The following SCRG1 variants were observed in gnomAD, a reference collection of about 807,000 sequenced individuals.
SCRG1 encodes the protein stimulator of chondrogenesis 1.
A neutral mutation model predicts 7.7 loss-of-function variants in SCRG1; 3 were observed. The ratio of observed to expected loss-of-function variants is 0.39; its 90% CI spans 0.18 to 1.01. The LOEUF is 1.01. Among genes scored for constraint, SCRG1 ranks in the 50% least tolerant of loss-of-function variants. SCRG1 has a pLI of 0.36. For synonymous variants in SCRG1, 46 were observed against 41.2 expected (o/e 1.12, Z -0.44); for missense variants, 110 against 117.2 (o/e 0.94, Z 0.28).
the SCRG1 span, among the ~76,000 whole-genome samples, chr4:173,488,727 T>A: frequency 6.6e-6 from 1 of 152,286 alleles, no homozygotes; most frequent in South Asian, 2.1e-4. Context: ...GCAATATGGT[T>A]TCATCTGACA....
chr4:173,486,785 A>G, the SCRG1 span, among the ~76,000 whole-genome samples: 3 of 152,120 alleles, frequency 2.0e-5, no homozygotes, highest in African/African-American at 7.2e-5. Context: ...ATTTCCTGAA[A>G]TATTTTTAGG....
upstream of SCRG1, among the ~76,000 whole-genome samples, chr4:173,401,287 A>T (rs1739755437): frequency 6.6e-6 from 1 of 152,250 alleles, no homozygotes; most frequent in African/African-American, 2.4e-5. Flanking sequence ...CTTACTAAAT[A>T]AAGATGATGC....
the SCRG1 span, among the ~76,000 whole-genome samples, chr4:173,436,252 C>A: frequency 6.6e-6 from 1 of 152,140 alleles, no homozygotes; most frequent in Non-Finnish European, 1.5e-5. Context: ...ATCTTGTTGG[C>A]AGGAAAAGTC....
the SCRG1 span, among the ~76,000 whole-genome samples, chr4:173,519,134 A>G: frequency 1.3e-5 from 2 of 150,708 alleles, no homozygotes; most frequent in Admixed American, 6.6e-5. Context: ...CAGAGAAAAA[A>G]TAGAGGAAGG....
the SCRG1 span, among the ~76,000 whole-genome samples, chr4:173,485,747 A>G: frequency 6.6e-6 from 1 of 152,114 alleles, no homozygotes. Context: ...AGACAGGCAG[A>G]TCACTTGAGG....
chr4:173,461,995 G>A, the SCRG1 span, among the ~76,000 whole-genome samples: 7 of 152,086 alleles, frequency 4.6e-5, no homozygotes, highest in Admixed American at 2.0e-4. Flanking sequence ...CAACATATTT[G>A]AAAATACACA....
At chr4:173,482,992 ATT>A in the SCRG1 span, among the ~76,000 whole-genome samples, 2 of 131,234 alleles carry the variant, frequency 1.5e-5, no homozygotes, top group Non-Finnish European at 3.1e-5. Flanking sequence ...TATATTATAT[ATT>A]TCATATGTAT....
chr4:173,467,941 G>T, the SCRG1 span: 5 of 152,486 alleles, frequency 3.3e-5, 1 homozygote, highest in Admixed American at 3.3e-4. Context: ...CAGAATTATT[G>T]AAAAATATCA....
chr4:173,506,204 G>A, the SCRG1 span, among the ~76,000 whole-genome samples: 2 of 152,222 alleles, frequency 1.3e-5, no homozygotes, highest in African/African-American at 2.4e-5. This position sits in a 1 kb window ranked among gnomAD's most constrained non-coding sequence, Gnocchi z 5.3. Flanking sequence ...TGGTAACTTT[G>A]ACTTTCCTGT....
At chr4:173,464,087 T>C in the SCRG1 span, among the ~76,000 whole-genome samples, 5 of 151,890 alleles carry the variant, frequency 3.3e-5, no homozygotes, top group East Asian at 7.8e-4. Flanking sequence ...GTGGGGATTG[T>C]TGGAGAATGG....
chr4:173,455,992 C>G, the SCRG1 span, among the ~76,000 whole-genome samples: 8 of 152,014 alleles, frequency 5.3e-5, no homozygotes, highest in Non-Finnish European at 7.4e-5. Flanking sequence ...ATGGAAACCA[C>G]GAAAAACAGA....
At chr4:173,394,045 T>C (rs182278900) in intron 1 of SCRG1, among the ~76,000 whole-genome samples, 2 of 152,220 alleles carry the variant, frequency 1.3e-5, no homozygotes, top group East Asian at 1.9e-4. Flanking sequence ...CATATAGTTA[T>C]ATATTGTTTT....
chr4:173,500,181 C>T, the SCRG1 span, among the ~76,000 whole-genome samples: 1 of 152,216 alleles, frequency 6.6e-6, no homozygotes, highest in Non-Finnish European at 1.5e-5. Context: ...GAAGTAAGTA[C>T]TTTCCCAAAG....
At chr4:173,400,350 T>G (rs13120486), upstream of SCRG1, among the ~76,000 whole-genome samples, 146,851 of 152,310 alleles carry the variant, frequency 0.96, 71,017 homozygotes, top group Non-Finnish European at 1. Context: ...ATAAAAGGAA[T>G]AACTGTTATT....
chr4:173,411,715 T>C, the SCRG1 span, among the ~76,000 whole-genome samples: 4 of 152,248 alleles, frequency 2.6e-5, no homozygotes, highest in African/African-American at 9.6e-5. Flanking sequence ...CAAATCATTC[T>C]AATAATTTCT....
chr4:173,420,585 T>C, the SCRG1 span, among the ~76,000 whole-genome samples: 1 of 151,950 alleles, frequency 6.6e-6, no homozygotes, highest in Non-Finnish European at 1.5e-5. Context: ...TGGTGATCAG[T>C]GTGGATTACC....
At chr4:173,479,787 G>T in the SCRG1 span, among the ~76,000 whole-genome samples, 1 of 151,754 alleles carries the variant, frequency 6.6e-6, no homozygotes, top group Non-Finnish European at 1.5e-5. Flanking sequence ...CTCAGTATTT[G>T]CATGGCACCA....
chr4:173,469,300 G>T, the SCRG1 span: 7 of 151,938 alleles, frequency 4.6e-5, no homozygotes, highest in Non-Finnish European at 1.0e-4. Context: ...TTAGGATTTG[G>T]ATAATATAAC....
the SCRG1 span, among the ~76,000 whole-genome samples, chr4:173,418,818 C>T: frequency 6.6e-6 from 1 of 151,980 alleles, no homozygotes; most frequent in Non-Finnish European, 1.5e-5. Context: ...TGTAACACTT[C>T]CCCCTTCACT....
Sources: allele counts gnomAD v4.1 joint callset (sites outside exome capture counted in the v4.1 genomes callset), GRCh38; gene constraint gnomAD v4.1.1; non-coding constraint Gnocchi (gnomAD v3.1); transcripts MANE v1.5; gene names NCBI Gene and HGNC (gene_info 2026-07-23, HGNC 2026-07-21).